CASQ2: variants seen among roughly 807,000 people sequenced by gnomAD.
CASQ2 encodes the protein calsequestrin 2.
Under a neutral mutation model 46.5 loss-of-function variants are expected in CASQ2, and 49 were observed. The observed-to-expected ratio is 1.05, with a 90% CI of 0.84 to 1.34. The LOEUF (loss-of-function observed/expected upper bound fraction) is 1.34. Among genes scored for constraint, CASQ2 ranks in the 40% most tolerant of loss-of-function variants. The probability of loss-of-function intolerance (pLI) is 0.00; values close to 1 mark genes in which losing one functional copy is unlikely to be tolerated. For missense variants in CASQ2, 486 were observed against 481.3 expected, an observed-to-expected ratio of 1.01 and a Z score of -0.09; for synonymous variants, 174 against 168.5, an observed-to-expected ratio of 1.03 and a Z score of -0.25.
At chr1:115,714,252 C>T (rs1239603381) in intron 8 of CASQ2, among the ~76,000 whole-genome samples, 1 of 152,132 alleles carries the variant, frequency 6.6e-6, no homozygotes, top group African/African-American at 2.4e-5. Flanking sequence ...CAGTAAGTGA[C>T]AATCATCATC....
chr1:115,764,127 G>C (rs78856753), intron 1 of CASQ2, among the ~76,000 whole-genome samples: 7,233 of 151,886 alleles, frequency 0.048, 600 homozygotes, highest in African/African-American at 0.17. Context: ...AATGGCAAAA[G>C]AATTTTATAG....
chr1:115,728,754 G>A (rs1224506695), intron 5 of CASQ2, among the ~76,000 whole-genome samples: 5 of 152,146 alleles, frequency 3.3e-5, no homozygotes, highest in African/African-American at 1.2e-4. Flanking sequence ...TACAAATGAT[G>A]AACCTGAGGC....
chr1:115,757,181 T>C (rs1367544746), intron 1 of CASQ2, among the ~76,000 whole-genome samples: 1 of 152,186 alleles, frequency 6.6e-6, no homozygotes, highest in Non-Finnish European at 1.5e-5. Flanking sequence ...AATTTAACTG[T>C]AATCAACTCA....
chr1:115,709,467 A>G (rs929220725), intron 8 of CASQ2, among the ~76,000 whole-genome samples: 6 of 152,338 alleles, frequency 3.9e-5, no homozygotes, highest in African/African-American at 1.4e-4. Context: ...CAGAAGTAAT[A>G]TAGCCTATAC....
At chr1:115,717,009 G>C (rs1290142270) in intron 8 of CASQ2, among the ~76,000 whole-genome samples, 1 of 152,132 alleles carries the variant, frequency 6.6e-6, no homozygotes, top group African/African-American at 2.4e-5. Context: ...TTCCCCACTT[G>C]GTATGAGTTC....
intron 4 of CASQ2, among the ~76,000 whole-genome samples, chr1:115,734,220 G>A (rs374830911): frequency 6.6e-6 from 1 of 152,208 alleles, no homozygotes; most frequent in Non-Finnish European, 1.5e-5. Flanking sequence ...AGCATTTGAA[G>A]AATGAATGGA....
intron 9 of CASQ2, 112 bp from the exon 10 acceptor site, chr1:115,703,107 A>G: frequency 1.2e-6 from 1 of 806,226 alleles, no homozygotes; most frequent in Non-Finnish European, 2.1e-6. Flanking sequence ...AGGTCTTCAA[A>G]ACAGCTGTGA....
chr1:115,752,601 C>A (rs1648621690), intron 1 of CASQ2, among the ~76,000 whole-genome samples: 1 of 151,982 alleles, frequency 6.6e-6, no homozygotes, highest in African/African-American at 2.4e-5. Context: ...TGGGAATGTG[C>A]AGGGGTGTGC....
At chr1:115,708,251 A>G (rs1368955744) in intron 8 of CASQ2, among the ~76,000 whole-genome samples, 1 of 152,234 alleles carries the variant, frequency 6.6e-6, no homozygotes, top group Non-Finnish European at 1.5e-5. Flanking sequence ...CTTTGTGTCT[A>G]TGGAGAAGCA....
At position 115,700,534 on chromosome 1, in the gene CASQ2, T is replaced by C. The variant is rs1654173646; in HGVS notation, c.*707A>G. 1 of 154,026 alleles carries C rather than the reference T, an allele frequency of 6.5e-6. No individual in the cohort carries two copies. Among genetic ancestry groups the C allele is most frequent in the African/African-American group, 2.4e-5 (1 of 41,462 alleles). The allele number at this position is 154,026 out of a possible 1,614,324, so 9.5% of individuals were successfully genotyped here. ...GAGACTTGCCAACTAGAGGGAAGTT[T>C]AGAGAGCAAATCAACCTCCCATCCC... On this transcript the variant is annotated 3_prime_UTR_variant, in exon 11 of 11. Transcript: ENST00000261448.
chr1:115,702,633 G>C lies in CASQ2; in HGVS notation c.1014+288C>G, dbSNP rs1253025431. Among the ~76,000 whole-genome samples, 3 of 152,296 alleles carry C rather than the reference G, an allele frequency of 2.0e-5. No individual in the cohort carries two copies. In the East Asian group the frequency reaches 5.8e-4, roughly 29 times the overall value. Reference sequence around the variant, plus strand: ...CCTTTTTGTTTGCTGTTTGACTTTGGGGGTAAATACAGGAGAGTTTACTTG... The same window carrying C: ...CCTTTTTGTTTGCTGTTTGACTTTGCGGGTAAATACAGGAGAGTTTACTTG... On this transcript the variant is annotated intron_variant, in intron 10 of 10. Coordinates refer to ENST00000261448, the MANE Select transcript of CASQ2 (RefSeq NM_001232.4).
chr1:115,727,481 T>A (rs1647636235), intron 5 of CASQ2, among the ~76,000 whole-genome samples: 2 of 152,228 alleles, frequency 1.3e-5, no homozygotes, highest in African/African-American at 4.8e-5. Flanking sequence ...ATATTTACTA[T>A]CCTGTGTTGT....
chr1:115,755,191 T>C (rs1413544407), intron 1 of CASQ2, among the ~76,000 whole-genome samples: 5 of 152,218 alleles, frequency 3.3e-5, no homozygotes, highest in Non-Finnish European at 7.3e-5. Context: ...TATCTAAAAA[T>C]ATTATTGCAA....
At chr1:115,720,868 T>C (rs1352227129) in intron 7 of CASQ2, among the ~76,000 whole-genome samples, 1 of 152,144 alleles carries the variant, frequency 6.6e-6, no homozygotes, top group African/African-American at 2.4e-5. Flanking sequence ...TTTTAACGCC[T>C]ATAGACTCAA....
rs1557796962 is a variant in CASQ2 at position 115,738,286 on chromosome 1, G to T, written c.470C>A (p.Ala157Asp). 6.2e-7 allele frequency: 1 copy of T among 1,613,922 alleles called. No homozygotes were observed. The highest frequency in any genetic ancestry group is 8.5e-7 in the Non-Finnish European group (1 of 1,179,800). ...GATGTAGTCTTCAATGCGTTCGAAG[G>T]CTTGGACTTCCAGTTTGCTGCTGAT... ...EIISSKLEVQ[A>D]FERIEDYIKL... is the part of the protein sequence containing the mutation. Residue 157 changes from alanine (A) to aspartate (D), a missense_variant, in exon 4 of 11, where the codon GCC becomes GAC. Transcript: ENST00000261448.
intron 4 of CASQ2, among the ~76,000 whole-genome samples, chr1:115,734,551 C>T (rs1278431130): frequency 6.6e-6 from 1 of 152,192 alleles, no homozygotes; most frequent in Non-Finnish European, 1.5e-5. Context: ...AAGAAGCCTC[C>T]TCTTGTCTTC....
chr1:115,704,789 G>T (rs1016501543), intron 9 of CASQ2, among the ~76,000 whole-genome samples: 1 of 152,108 alleles, frequency 6.6e-6, no homozygotes. Context: ...TTCTGAACTC[G>T]CTGAAAAATG....
At chr1:115,740,520 C>G (rs1648139093) in intron 3 of CASQ2, among the ~76,000 whole-genome samples, 1 of 152,124 alleles carries the variant, frequency 6.6e-6, no homozygotes, top group African/African-American at 2.4e-5. Context: ...TACATGGCCC[C>G]CAACAGTTTC....
chr1:115,735,286 T>C (rs2101088581), intron 4 of CASQ2, among the ~76,000 whole-genome samples: 1 of 152,354 alleles, frequency 6.6e-6, no homozygotes, highest in East Asian at 1.9e-4. Context: ...AGAAATGGGT[T>C]CAGGAGACCT....
Sources: allele counts gnomAD v4.1 joint callset (sites outside exome capture counted in the v4.1 genomes callset), GRCh38; gene constraint gnomAD v4.1.1; transcripts MANE v1.5; gene names NCBI Gene and HGNC (gene_info 2026-07-23, HGNC 2026-07-21).